Variants in CADM1 observed in about 807,000 individuals in gnomAD.
CADM1 encodes cell adhesion molecule 1.
Under a neutral mutation model 53.1 loss-of-function variants are expected in CADM1, and 15 were observed. That is an observed-to-expected ratio of 0.28 (90% CI 0.19 to 0.44). CADM1 has a LOEUF of 0.44. CADM1 is among the 20% of genes least tolerant of loss of function. The pLI, the probability that CADM1 is intolerant of heterozygous loss-of-function variation, is 1.00. For missense variants in CADM1, 434 were observed against 611.3 expected (o/e 0.71, Z 3.06); for synonymous variants, 281 against 243.0 (o/e 1.16, Z -1.45).
chr11:115,229,303 A>G, intron 4 of CADM1, 32 bp from the exon 5 acceptor site: 1 of 1,611,476 alleles, frequency 6.2e-7, no homozygotes, highest in Admixed American at 1.7e-5. Flanking sequence ...AAGACACCAG[A>G]GTTGGGTGAA....
chr11:115,482,768 G>T (rs183855939), intron 1 of CADM1, among the ~76,000 whole-genome samples: 1 of 152,158 alleles, frequency 6.6e-6, no homozygotes, highest in Non-Finnish European at 1.5e-5. Context: ...GAAAAAGGTT[G>T]TAGTGAGGTT....
At chr11:115,374,338 G>A (rs1464396376) in intron 1 of CADM1, among the ~76,000 whole-genome samples, 1 of 152,052 alleles carries the variant, frequency 6.6e-6, no homozygotes, top group African/African-American at 2.4e-5. Context: ...TAATACTAAA[G>A]CAAAACAAAA....
chr11:115,342,893 T>C (rs1387820482), intron 1 of CADM1, among the ~76,000 whole-genome samples: 1 of 152,154 alleles, frequency 6.6e-6, no homozygotes, highest in East Asian at 1.9e-4. Context: ...TCTTTTTCAA[T>C]ATACAAAACT....
At chr11:115,422,684 A>C (rs1394183291) in intron 1 of CADM1, among the ~76,000 whole-genome samples, 2 of 152,236 alleles carry the variant, frequency 1.3e-5, no homozygotes, top group African/African-American at 4.8e-5. Context: ...TCTTTGGAAC[A>C]GCACAGATAG....
chr11:115,308,345 T>G (rs1007861057), intron 1 of CADM1, among the ~76,000 whole-genome samples: 3 of 151,834 alleles, frequency 2.0e-5, no homozygotes, highest in Non-Finnish European at 4.4e-5. Context: ...AAATAATTTT[T>G]GAAAACCTCA....
intron 1 of CADM1, among the ~76,000 whole-genome samples, chr11:115,487,213 A>G (rs1001776181): frequency 2.6e-5 from 4 of 152,236 alleles, no homozygotes; most frequent in Non-Finnish European, 5.9e-5. Context: ...GGGAGATCCA[A>G]TGTATGAACA....
At chr11:115,393,066 CAAAAAAAAAAAA>C (rs758785520) in intron 1 of CADM1, among the ~76,000 whole-genome samples, 7 of 50,218 alleles carry the variant, frequency 1.4e-4, no homozygotes, top group Admixed American at 4.8e-4. Context: ...CCATCTCTTC[CAAAAAAAAAAAA>C]AAAAAAAAAA....
intron 6 of CADM1, among the ~76,000 whole-genome samples, chr11:115,216,781 A>G (rs528387669): frequency 6.6e-6 from 1 of 152,180 alleles, no homozygotes; most frequent in African/African-American, 2.4e-5. Flanking sequence ...ATGAGAAGAG[A>G]GAACCAACAG....
intron 1 of CADM1, among the ~76,000 whole-genome samples, chr11:115,470,230 A>C (rs1394581492): frequency 6.6e-6 from 1 of 152,208 alleles, no homozygotes; most frequent in Non-Finnish European, 1.5e-5. Flanking sequence ...CTCCTTCTCC[A>C]TGTTAGACCA....
intron 8 of CADM1, among the ~76,000 whole-genome samples, chr11:115,206,796 A>G (rs532851105): frequency 0.011 from 135 of 12,160 alleles, no homozygotes; most frequent in African/African-American, 0.033. Context: ...TTTTAAGCTC[A>G]GGCTTTATGT....
intron 8 of CADM1, among the ~76,000 whole-genome samples, chr11:115,201,711 TA>T (rs574303859): frequency 1.1e-3 from 164 of 145,560 alleles, no homozygotes; most frequent in Middle Eastern, 3.5e-3. Context: ...GCTGCTGCCT[TA>T]AAAAAAAAAA....
intron 1 of CADM1, among the ~76,000 whole-genome samples, chr11:115,450,253 A>G (rs192750997): frequency 7.1e-4 from 108 of 152,176 alleles, no homozygotes; most frequent in African/African-American, 2.4e-3. Context: ...CAATCATAAA[A>G]TACTGGTCCG....
At chr11:115,441,571 T>C (rs963851848) in intron 1 of CADM1, among the ~76,000 whole-genome samples, 7 of 152,194 alleles carry the variant, frequency 4.6e-5, no homozygotes, top group African/African-American at 1.7e-4. Flanking sequence ...GAGAAATTTA[T>C]CACTATGCTA....
intron 1 of CADM1, among the ~76,000 whole-genome samples, chr11:115,319,614 A>G (rs1944768248): frequency 6.6e-6 from 1 of 152,204 alleles, no homozygotes. Context: ...TCACACGGCT[A>G]ATAAGTCACG....
At chr11:115,245,556 G>A (rs1461572155) in intron 1 of CADM1, among the ~76,000 whole-genome samples, 1 of 152,144 alleles carries the variant, frequency 6.6e-6, no homozygotes, top group Admixed American at 6.5e-5. Flanking sequence ...TGTTCAGGGT[G>A]GGCCCAACTT....
chr11:115,287,434 T>C (rs1366059108), intron 1 of CADM1: 1 of 152,234 alleles, frequency 6.6e-6, no homozygotes, highest in Non-Finnish European at 1.5e-5. Flanking sequence ...AAGATGGTCC[T>C]TTGAGAGCTC....
intron 1 of CADM1, among the ~76,000 whole-genome samples, chr11:115,337,284 A>C (rs374059591): frequency 3.2e-4 from 49 of 152,284 alleles, no homozygotes; most frequent in Middle Eastern, 3.4e-3. Context: ...ACATGTGCTA[A>C]TTTGATAGGT....
At chr11:115,298,456 G>A (rs12274562) in intron 1 of CADM1, among the ~76,000 whole-genome samples, 90 of 152,282 alleles carry the variant, frequency 5.9e-4, no homozygotes, top group African/African-American at 2.1e-3. Context: ...TGGGGCAGAG[G>A]TGAATGCCTC....
At chr11:115,466,441 T>C (rs548567112) in intron 1 of CADM1, among the ~76,000 whole-genome samples, 47 of 152,266 alleles carry the variant, frequency 3.1e-4, no homozygotes, top group African/African-American at 1.1e-3. Flanking sequence ...AAAAACAAAT[T>C]AGCAAAACCA....
Sources: allele counts gnomAD v4.1 joint callset (sites outside exome capture counted in the v4.1 genomes callset), GRCh38; gene constraint gnomAD v4.1.1; transcripts MANE v1.5; gene names NCBI Gene and HGNC (gene_info 2026-07-23, HGNC 2026-07-21).